PRDM8: variants seen among roughly 807,000 people sequenced by gnomAD.
PRDM8 encodes PR/SET domain 8, also known as PR domain zinc finger protein 8.
In PRDM8, 13 loss-of-function variants were observed where a neutral mutation model predicts 46.5. The ratio of observed to expected loss-of-function variants is 0.28; its 90% CI spans 0.18 to 0.44. The LOEUF (loss-of-function observed/expected upper bound fraction) is 0.44. Among genes scored for constraint, PRDM8 ranks in the 20% least tolerant of loss-of-function variants. The pLI, the probability that PRDM8 is intolerant of heterozygous loss-of-function variation, is 1.00. For synonymous variants in PRDM8, 473 were observed against 438.4 expected, an observed-to-expected ratio of 1.08 and a Z score of -0.98; for missense variants, 998 against 955.0, an observed-to-expected ratio of 1.04 and a Z score of -0.59.
At chr4:80,201,233 A>C in intron 2 of PRDM8, 57 bp from the exon 3 acceptor site, 1 of 1,468,886 alleles carries the variant, frequency 6.8e-7, no homozygotes, top group Non-Finnish European at 9.5e-7. Flanking sequence ...TCATTCCCTC[A>C]TGAGGGTCCC....
upstream of PRDM8, among the ~76,000 whole-genome samples, chr4:80,193,954 C>G (rs574432826): frequency 4.6e-5 from 7 of 152,268 alleles, no homozygotes; most frequent in African/African-American, 1.7e-4. Flanking sequence ...ATAATCTTTA[C>G]GTGAATTATT....
intron 1 of PRDM8, among the ~76,000 whole-genome samples, chr4:80,198,643 T>G (rs1016458922): frequency 3.9e-5 from 6 of 151,954 alleles, no homozygotes; most frequent in African/African-American, 1.5e-4. Context: ...AGAGGATGAA[T>G]GGAAAATGAG....
rs777876948 is a variant in PRDM8 at position 80,203,263 on chromosome 4, TTGCAGC to T, written c.1811_1816del (p.Gln604_Leu605del). The T allele has an allele frequency of 6.3e-6, 10 of 1,580,486 alleles. No homozygotes were observed. The highest frequency in any genetic ancestry group is 7.7e-6 in the Non-Finnish European group (9 of 1,164,998). ...GGCTGCGGCGGCGGCCGCGGGGCCC[TTGCAGC>T]TGCAGCTGCCCTCGGCGCTCACGCT... On this transcript the variant is annotated inframe_deletion, in exon 4 of 4. Transcript: ENST00000415738.
At chr4:80,196,251 C>T, upstream of PRDM8, 3 of 952,330 alleles carry the variant, frequency 3.2e-6, no homozygotes, top group Non-Finnish European at 2.5e-6. Context: ...CCGATTTATC[C>T]TAATGCTGAC....
At position 80,197,628 on chromosome 4, in the gene PRDM8, G is replaced by C. The variant is rs970598938; in HGVS notation, c.-138G>C. 7.2e-6 allele frequency: 7 copies of C among 977,744 alleles called. No homozygotes were observed. In the African/African-American group the frequency reaches 9.1e-5, roughly 13 times the overall value. 60.6% of individuals were successfully genotyped at this position (977,744 alleles called of 1,614,324 possible). On this transcript the variant is annotated 5_prime_UTR_variant, in exon 1 of 4. Transcript: ENST00000415738. Reference sequence around the variant, plus strand: ...CATCTCTCTCTTATCTCTTCAGGAAGAGCCTAAAAGGCGGCAACACCAACA... The same window carrying C: ...CATCTCTCTCTTATCTCTTCAGGAACAGCCTAAAAGGCGGCAACACCAACA...
intron 1 of PRDM8, among the ~76,000 whole-genome samples, chr4:80,198,222 C>G (rs1349961338): frequency 6.6e-6 from 1 of 152,362 alleles, no homozygotes; most frequent in African/African-American, 2.4e-5. Context: ...CGACTCCGAC[C>G]GCTATTAGCG....
At chr4:80,196,893 C>T (rs1333136780), upstream of PRDM8, 1 of 984,636 alleles carries the variant, frequency 1.0e-6, no homozygotes, top group Admixed American at 6.1e-5. Context: ...CTCACTCCAA[C>T]CTCATCTCCC....
chr4:80,190,523 G>C (rs566014342), intron 1 of PRDM8, among the ~76,000 whole-genome samples: 1 of 152,346 alleles, frequency 6.6e-6, no homozygotes, highest in South Asian at 2.1e-4. Flanking sequence ...TGGTGAATCA[G>C]CTCAAACGAT....
intron 3 of PRDM8, 67 bp downstream of exon 3, chr4:80,201,588 GGCTC>G: frequency 6.7e-7 from 1 of 1,492,724 alleles, no homozygotes; most frequent in Non-Finnish European, 9.3e-7. Context: ...GAGCGGCAGG[GGCTC>G]ACCCGGCGCG....
Position 80,203,447 on chromosome 4 carries a change from G to A in PRDM8, c.1985G>A (p.Arg662Gln). Residue 662 changes from arginine to glutamine, a missense_variant, in exon 4 of 4, where the codon CGA becomes CAA. Coordinates refer to ENST00000415738, the MANE Select transcript of PRDM8 (RefSeq NM_001099403.2). ...YAMEPLVKRR[R>Q]EEKLKCPICN... ...ATGGAGCCCTTGGTGAAGCGGCGGC[G>A]AGAGGAGAAACTCAAGTGCCCCATC... 2 of 1,613,334 alleles carry A rather than the reference G, an allele frequency of 1.2e-6. No homozygotes were observed. The highest frequency in any genetic ancestry group is 1.7e-6 in the Non-Finnish European group (2 of 1,179,744).
At chr4:80,193,904 T>C (rs142828015), upstream of PRDM8, among the ~76,000 whole-genome samples, 25 of 152,324 alleles carry the variant, frequency 1.6e-4, no homozygotes, top group African/African-American at 5.5e-4. Context: ...TAGAAAGATA[T>C]AGAAAAAGAA....
chr4:80,201,189 T>G (rs935622884), intron 2 of PRDM8, 101 bp from the exon 3 acceptor site: 8 of 1,165,456 alleles, frequency 6.9e-6, no homozygotes, highest in Non-Finnish European at 9.8e-6. Context: ...TGGAAAAGAC[T>G]AACATAGAAG....
intron 1 of PRDM8, among the ~76,000 whole-genome samples, chr4:80,188,609 A>G (rs1337260987): frequency 1.3e-5 from 2 of 152,216 alleles, no homozygotes; most frequent in African/African-American, 2.4e-5. Context: ...AAAATCCCAA[A>G]TATCAACCTC....
rs572914613 is a variant in PRDM8 at position 80,200,246 on chromosome 4, G to A, written c.166G>A (p.Ala56Thr). 2.5e-6 allele frequency: 4 copies of A among 1,614,096 alleles called. No homozygotes were observed. Among genetic ancestry groups the A allele is most frequent in the East Asian group, 2.2e-5 (1 of 44,874 alleles). ...LSHTSLYDSI[A>T]FIALKSTDKR... ...CCATACTTCCCTATATGACAGCATA[G>A]CTTTCATAGCTCTCAAGTCTACTGA... Residue 56 changes from alanine to threonine, a missense_variant, in exon 2 of 4, where the codon GCT becomes ACT. Coordinates refer to ENST00000415738, the MANE Select transcript of PRDM8 (RefSeq NM_001099403.2).
chr4:80,203,540 AG>A lies in PRDM8; in HGVS notation c.*10del. 6.2e-7 allele frequency: 1 copy of A among 1,602,238 alleles called. No individual in the cohort carries two copies. The highest frequency in any genetic ancestry group is 8.5e-7 in the Non-Finnish European group (1 of 1,173,428). ...ATGACCTCGCATAATTGACTCGGAAAGGACCCCAGCTTTCCACGCGCGCGCA... is the reference window on the plus strand; with the variant it reads ...ATGACCTCGCATAATTGACTCGGAAAGACCCCAGCTTTCCACGCGCGCGCA... On this transcript the variant is annotated 3_prime_UTR_variant, in exon 4 of 4. Transcript: ENST00000415738.
Position 80,203,149 on chromosome 4 carries a change from C to T in PRDM8, c.1687C>T (p.Pro563Ser). The change falls in exon 4 of 4, where the codon CCG (proline) becomes TCG (serine). Residue 563 changes from proline (P) to serine (S), a missense_variant. Physicochemically the swap from Pro to Ser is moderately conservative, Grantham distance 74 (BLOSUM62 -1). Coordinates refer to ENST00000415738, the MANE Select transcript of PRDM8 (RefSeq NM_001099403.2). The stretch of plus-strand genomic sequence containing the variant: ...CCTGAACGGAGGTTGCGGGTCCCTG[C>T]CGAGCGGCGGCGGCGGCCTGCCTAA... ...ADLNGGCGSL[P>S]SGGGGLPKQS... The T allele has an allele frequency of 9.7e-6, 15 of 1,550,516 alleles. No homozygotes were observed. The highest frequency in any genetic ancestry group is 1.3e-5 in the Non-Finnish European group (15 of 1,155,700).
intron 2 of PRDM8, 53 bp downstream of exon 2, chr4:80,200,352 A>T (rs1016798403): frequency 6.8e-7 from 1 of 1,467,366 alleles, no homozygotes. Context: ...CCTGTTGGAA[A>T]TGGACTAAAA....
At chr4:80,195,535 G>T (rs199764206), upstream of PRDM8, among the ~76,000 whole-genome samples, 2 of 148,554 alleles carry the variant, frequency 1.3e-5, no homozygotes, top group Admixed American at 6.6e-5. Flanking sequence ...TGTGTGTGTA[G>T]AGAGAGAGAG....
intron 1 of PRDM8, among the ~76,000 whole-genome samples, chr4:80,186,295 T>C (rs930735754): frequency 3.3e-5 from 5 of 151,702 alleles, no homozygotes; most frequent in South Asian, 2.1e-4. Context: ...CCTTTTTTTT[T>C]CCAGAACTGG....
Sources: allele counts gnomAD v4.1 joint callset (sites outside exome capture counted in the v4.1 genomes callset), GRCh38; gene constraint gnomAD v4.1.1; transcripts MANE v1.5; gene names NCBI Gene and HGNC (gene_info 2026-07-23, HGNC 2026-07-21).